FXR1: variants seen among roughly 807,000 people sequenced by gnomAD.
FXR1 encodes the protein RNA-binding protein FXR1.
FXR1 carries 15 observed loss-of-function variants against 84.0 expected under a neutral mutation model. That is an observed-to-expected ratio of 0.18 (90% CI 0.12 to 0.27). The LOEUF (loss-of-function observed/expected upper bound fraction) is 0.27. Among genes scored for constraint, FXR1 ranks in the 10% least tolerant of loss-of-function variants. FXR1 has a pLI of 1.00. For missense variants in FXR1, 480 were observed against 774.4 expected (o/e 0.62, Z 4.51); for synonymous variants, 245 against 250.7 (o/e 0.98, Z 0.21).
intron 3 of FXR1, among the ~76,000 whole-genome samples, chr3:180,946,092 T>C (rs890639174): frequency 2.0e-5 from 3 of 152,188 alleles, no homozygotes; most frequent in African/African-American, 7.2e-5. Flanking sequence ...TTCGCAATTA[T>C]GAGTGAAAAA....
At chr3:180,940,088 A>G (rs960557444) in intron 3 of FXR1, among the ~76,000 whole-genome samples, 2 of 152,248 alleles carry the variant, frequency 1.3e-5, no homozygotes, top group South Asian at 2.1e-4. Flanking sequence ...AAGTAATGTC[A>G]TGGCCCAGCA....
intron 1 of FXR1, chr3:180,914,941 G>C: frequency 1.0e-6 from 1 of 984,974 alleles, no homozygotes; most frequent in Middle Eastern, 5.2e-4. Flanking sequence ...GGAAGAATGA[G>C]AATGGCGGAG....
rs763460638 is a variant in FXR1, at chr3:180,912,745, C to G, written c.51+9C>G. 2.5e-6 allele frequency: 4 copies of G among 1,613,900 alleles called. No individual in the cohort carries two copies. The Admixed American group carries it at 5.0e-5, about 20-fold the overall frequency. ...ACGGGGCTTTCTACAAGGTACTGAC[C>G]GTTTTGCCACTTTGTCGAGTGTTCT... On this transcript the variant is annotated intron_variant, in intron 1 of 16. Coordinates refer to ENST00000357559, the MANE Select transcript of FXR1 (RefSeq NM_005087.4).
In FXR1 at chr3:180,979,523, T is replaced by C. The variant is rs1714504239; in HGVS notation, c.*3231T>C. 6.6e-6 allele frequency: 1 copy of C among 152,126 alleles called. No homozygotes were observed. The highest frequency in any genetic ancestry group is 1.5e-5 in the Non-Finnish European group (1 of 67,984). The allele number at this position is 152,126 out of a possible 1,614,324, so 9.4% of individuals were successfully genotyped here. ...TACGCTTTTTCGTTAAGAATATCTG[T>C]CTGCTATAGTGAATTTGCTAGCCCC... On this transcript the variant is annotated 3_prime_UTR_variant, in exon 17 of 17. Transcript: ENST00000357559.
chr3:180,962,800 A>T, intron 11 of FXR1, 83 bp from the exon 12 acceptor site: 1 of 859,058 alleles, frequency 1.2e-6, no homozygotes, highest in Non-Finnish European at 1.9e-6. Flanking sequence ...CAGCTTTGAT[A>T]GGGAGTACAG....
At chr3:180,912,811 A>C in intron 1 of FXR1, 75 bp downstream of exon 1, 1 of 1,611,180 alleles carries the variant, frequency 6.2e-7, no homozygotes. Flanking sequence ...GTGGTCCCAG[A>C]GAGTGAGGTT....
intron 10 of FXR1, among the ~76,000 whole-genome samples, chr3:180,960,116 A>G (rs960489427): frequency 2.0e-5 from 3 of 152,240 alleles, no homozygotes; most frequent in Non-Finnish European, 4.4e-5. Context: ...AGAAAAATTC[A>G]CAGTGTGCCA....
At chr3:180,916,457 G>T (rs1323859070) in intron 1 of FXR1, among the ~76,000 whole-genome samples, 1 of 152,148 alleles carries the variant, frequency 6.6e-6, no homozygotes, top group African/African-American at 2.4e-5. Context: ...ACAGTGGTGG[G>T]AGCGCAGTGG....
At chr3:180,926,506 A>ATTT (rs57540765) in intron 1 of FXR1, among the ~76,000 whole-genome samples, 59 of 124,356 alleles carry the variant, frequency 4.7e-4, no homozygotes, top group Middle Eastern at 4.2e-3. Flanking sequence ...ATATATATAT[A>ATTT]TTTTTTTTTC....
At chr3:180,964,930 A>G (rs556422439) in intron 13 of FXR1, among the ~76,000 whole-genome samples, 4 of 152,108 alleles carry the variant, frequency 2.6e-5, no homozygotes, top group African/African-American at 4.8e-5. Flanking sequence ...GAAAAATGAT[A>G]TAAACCATCT....
chr3:180,917,947 C>CAAAAA (rs757826092), intron 1 of FXR1, among the ~76,000 whole-genome samples: 2 of 60,988 alleles, frequency 3.3e-5, no homozygotes, highest in African/African-American at 5.2e-5. Flanking sequence ...ACTCTGTCTC[C>CAAAAA]AAAAAAAAAA....
chr3:180,957,826 A>G lies in FXR1; in HGVS notation c.888A>G (p.Val296=), dbSNP rs748373761. The change falls in exon 10 of 17, where the codon GTA becomes GTG. Residue 296 remains valine (V), a synonymous_variant. Coordinates refer to ENST00000357559, the MANE Select transcript of FXR1 (RefSeq NM_005087.4). The part of the protein sequence containing the change: ...IQVPRNLVGK[V]IGKNGKVIQE... Reference sequence around the variant, plus strand: ...TGTTTTCTCTTACTAAAGGAAAAGTAATTGGAAAAAATGGCAAAGTTATTC... The same window carrying G: ...TGTTTTCTCTTACTAAAGGAAAAGTGATTGGAAAAAATGGCAAAGTTATTC... 1 of 1,507,170 alleles carries G rather than the reference A, an allele frequency of 6.6e-7. No homozygotes were observed. The highest frequency in any genetic ancestry group is 9.2e-7 in the Non-Finnish European group (1 of 1,091,434). The allele number at this position is 1,507,170 out of a possible 1,614,324, so 93.4% of individuals were successfully genotyped here.
chr3:180,976,390 A>G lies in FXR1; in HGVS notation c.*98A>G, dbSNP rs1714249656. 2.6e-6 allele frequency: 2 copies of G among 772,356 alleles called. No homozygotes were observed. Among genetic ancestry groups the G allele is most frequent in the African/African-American group, 1.8e-5 (1 of 56,548 alleles). 47.8% of individuals were successfully genotyped at this position (772,356 alleles called of 1,614,324 possible). A position where few individuals can be genotyped will look rare whatever the true frequency, so the allele number is the denominator to read the frequency against. On this transcript the variant is annotated 3_prime_UTR_variant, in exon 17 of 17. Transcript: ENST00000357559. ...TAGAATATGGATCGCCAGTCTTTACATCGCACTTTCAGTTCCTCCATTTGG... is the reference window on the plus strand; with the variant it reads ...TAGAATATGGATCGCCAGTCTTTACGTCGCACTTTCAGTTCCTCCATTTGG...
At chr3:180,961,447 C>CT (rs368132860) in intron 10 of FXR1, 21 bp from the exon 11 acceptor site, 36,364 of 1,013,240 alleles carry the variant, frequency 0.036, 3 homozygotes, top group South Asian at 0.04. Flanking sequence ...ACACTGAATA[C>CT]TTTTTTTTTT....
At chr3:180,964,112 C>G (rs1417615171) in intron 13 of FXR1, among the ~76,000 whole-genome samples, 1 of 152,034 alleles carries the variant, frequency 6.6e-6, no homozygotes, top group Non-Finnish European at 1.5e-5. Flanking sequence ...AATATCATAT[C>G]TTTATGTTCT....
Position 180,946,307 on chromosome 3 carries a change from C to G in FXR1, c.199-1558C>G, listed in dbSNP as rs563128965. On this transcript the variant is annotated intron_variant, in intron 3 of 16. Coordinates refer to ENST00000357559, the MANE Select transcript of FXR1 (RefSeq NM_005087.4). ...GTTCCATTTTAGTCTTTATTTAAAG[C>G]ATAGCTGAGAATAACTGATGAATGT... 3.9e-5 allele frequency among the ~76,000 whole-genome samples: 6 copies of G among 152,246 alleles called. No individual in the cohort carries two copies. The East Asian group carries it at 1.2e-3, about 29-fold the overall frequency.
rs193140070 is a variant in FXR1 at position 180,978,229 on chromosome 3, G to C, written c.*1937G>C. The C allele has an allele frequency of 6.7e-6, 1 of 150,160 alleles. No homozygotes were observed. Among genetic ancestry groups the C allele is most frequent in the African/African-American group, 2.4e-5 (1 of 40,858 alleles). 9.3% of individuals were successfully genotyped at this position (150,160 alleles called of 1,614,324 possible). A position where few individuals can be genotyped will look rare whatever the true frequency, so the allele number is the denominator to read the frequency against. ...CATTTTCTCCCACATAGAATAGTCA[G>C]ATATATTAAACATCCCTTTTCCATA... On this transcript the variant is annotated 3_prime_UTR_variant, in exon 17 of 17. Coordinates refer to ENST00000357559, the MANE Select transcript of FXR1 (RefSeq NM_005087.4).
At chr3:180,961,365 AAAGGT>A in intron 10 of FXR1, 98 bp from the exon 11 acceptor site, 16 of 268,936 alleles carry the variant, frequency 5.9e-5, no homozygotes, top group Non-Finnish European at 8.5e-5. Context: ...AAAAAAAAAA[AAAGGT>A]GTGTGTGTGT....
At chr3:180,932,831 TCTTA>T (rs1260678729) in intron 1 of FXR1, among the ~76,000 whole-genome samples, 4 of 152,234 alleles carry the variant, frequency 2.6e-5, no homozygotes, top group Non-Finnish European at 4.4e-5. Context: ...AAAATTGGGT[TCTTA>T]CTTTGTGCCA....
Sources: gnomAD v4.1 joint callset for allele counts (sites outside exome capture counted in the v4.1 genomes callset) on GRCh38, gnomAD v4.1.1 for gene constraint, MANE v1.5 for transcripts, NCBI Gene and HGNC (gene_info 2026-07-23, HGNC 2026-07-21) for gene names.